GREB1: variants seen among roughly 807,000 people sequenced by gnomAD.
GREB1 encodes growth regulating estrogen receptor binding 1.
In GREB1, 106 loss-of-function variants were observed where a neutral mutation model predicts 200.7. The observed-to-expected ratio is 0.53, with a 90% CI of 0.45 to 0.62. The LOEUF (loss-of-function observed/expected upper bound fraction) is 0.62, where lower values mean the gene tolerates loss of function less well. Ranked by LOEUF, GREB1 falls within the 20% of genes least tolerant of loss-of-function variation. The pLI, the probability that GREB1 is intolerant of heterozygous loss-of-function variation, is 0.00. For missense variants in GREB1, 2,243 were observed against 2,556.8 expected (o/e 0.88, Z 2.65); for synonymous variants, 1,132 against 1,092.4 (o/e 1.04, Z -0.72).
At position 11,519,449 on chromosome 2, in the gene GREB1, G is replaced by GTTTTTTTTT. The variant is rs70955804; in HGVS notation, c.-158-36993_-158-36985dup. Among the ~76,000 whole-genome samples, 20 of 76,974 alleles carry GTTTTTTTTT rather than the reference G, an allele frequency of 2.6e-4. 1 individual carries two copies. Among genetic ancestry groups the GTTTTTTTTT allele is most frequent in the South Asian group, 5.5e-4 (1 of 1,804 alleles). The allele number at this position is 76,974 out of a possible 152,430, so 50.5% of individuals were successfully genotyped here. On this transcript the variant is annotated intron_variant, in intron 1 of 2. Transcript: ENST00000628795. ...TCACATCTTATGATTACTTGTTTTG[G>GTTTTTTTTT]TTTTTTTTTTTTTTTTTTTTTTTGA... is the stretch of plus-strand genomic sequence containing the variant.
chr2:11,637,952 TC>T, intron 31 of GREB1, 36 bp downstream of exon 31: 4 of 1,538,280 alleles, frequency 2.6e-6, no homozygotes, highest in Non-Finnish European at 3.6e-6. Context: ...AATCCCTAAT[TC>T]AGAGAAATCT....
At chr2:11,639,385 G>C (rs542062899) in intron 32 of GREB1, among the ~76,000 whole-genome samples, 4 of 152,350 alleles carry the variant, frequency 2.6e-5, no homozygotes, top group African/African-American at 7.2e-5. Flanking sequence ...CACCGCACCA[G>C]CCATGTGTGT....
chr2:11,602,701 A>G (rs956999429), intron 17 of GREB1, among the ~76,000 whole-genome samples, 159 bp downstream of exon 17: 2 of 151,988 alleles, frequency 1.3e-5, no homozygotes, highest in African/African-American at 4.8e-5. Flanking sequence ...CTTCTCCTCT[A>G]TTTGAATCCC....
chr2:11,557,347 C>T (rs1676525092), intron 2 of GREB1, among the ~76,000 whole-genome samples: 1 of 152,132 alleles, frequency 6.6e-6, no homozygotes, highest in Non-Finnish European at 1.5e-5. Flanking sequence ...AGAAGTAACC[C>T]CTCAGTGATC....
intron 2 of GREB1, among the ~76,000 whole-genome samples, chr2:11,557,425 C>T (rs1453381367): frequency 2.0e-5 from 3 of 152,104 alleles, no homozygotes; most frequent in Admixed American, 1.3e-4. Flanking sequence ...TGAAGTTACC[C>T]GCAGACTTCT....
At chr2:11,609,048 C>T (rs1381396470) in intron 17 of GREB1, among the ~76,000 whole-genome samples, 1 of 152,126 alleles carries the variant, frequency 6.6e-6, no homozygotes, top group African/African-American at 2.4e-5. Context: ...GTTAGGATCA[C>T]TGTCTTTCAC....
At chr2:11,516,044 A>C (rs1673486675) in intron 1 of GREB1, among the ~76,000 whole-genome samples, 1 of 152,198 alleles carries the variant, frequency 6.6e-6, no homozygotes, top group Non-Finnish European at 1.5e-5. Flanking sequence ...ATTGAAAGTG[A>C]AAATGTGTAG....
At chr2:11,559,804 G>A (rs947181256) in intron 2 of GREB1, among the ~76,000 whole-genome samples, 10 of 152,314 alleles carry the variant, frequency 6.6e-5, no homozygotes, top group African/African-American at 2.2e-4. Context: ...AGCATCTGAA[G>A]CAGGCTCAAG....
chr2:11,613,109 A>T (rs1357394585), intron 19 of GREB1, among the ~76,000 whole-genome samples: 1 of 152,216 alleles, frequency 6.6e-6, no homozygotes, highest in Non-Finnish European at 1.5e-5. Flanking sequence ...CTTCCAGCAC[A>T]GAGTGGACTG....
In GREB1 at chr2:11,520,971, G is replaced by A. The variant is rs573235065; in HGVS notation, c.-158-35486G>A. Among the ~76,000 whole-genome samples, 3 of 152,306 alleles carry A rather than the reference G, an allele frequency of 2.0e-5. No individual in the cohort carries two copies. In the South Asian group the frequency reaches 6.2e-4, roughly 32 times the overall value. On this transcript the variant is annotated intron_variant, in intron 1 of 2. Coordinates refer to the GREB1 transcript ENST00000628795. ...CACACAGTTAGCAGGGGGCGTCTGGGATCCCACTGCGGGCAGTGCTAGAAT... is the reference window on the plus strand; with the variant it reads ...CACACAGTTAGCAGGGGGCGTCTGGAATCCCACTGCGGGCAGTGCTAGAAT...
intron 29 of GREB1, among the ~76,000 whole-genome samples, chr2:11,634,961 G>A (rs529140482): frequency 3.9e-5 from 6 of 152,234 alleles, no homozygotes; most frequent in African/African-American, 9.6e-5. Flanking sequence ...GCGTGAGGTC[G>A]TGTTGGTAAC....
intron 23 of GREB1, among the ~76,000 whole-genome samples, chr2:11,621,337 G>A (rs1683999379): frequency 6.6e-6 from 1 of 152,180 alleles, no homozygotes; most frequent in Admixed American, 6.5e-5. Context: ...TAAATCACAT[G>A]CTTGGGAGCC....
At chr2:11,514,763 A>G (rs16857561) in intron 1 of GREB1, among the ~76,000 whole-genome samples, 2,894 of 152,238 alleles carry the variant, frequency 0.019, 36 homozygotes, top group Non-Finnish European at 0.028. Flanking sequence ...TTGTTATAGC[A>G]TTTATCATGT....
At chr2:11,521,210 G>T (rs1260679702) in intron 1 of GREB1, among the ~76,000 whole-genome samples, 2 of 152,070 alleles carry the variant, frequency 1.3e-5, no homozygotes, top group African/African-American at 4.8e-5. Flanking sequence ...CTGGGCTCAG[G>T]TGATGCCTCC....
chr2:11,553,352 A>G (rs1466994759), intron 1 of GREB1, among the ~76,000 whole-genome samples: 1 of 152,052 alleles, frequency 6.6e-6, no homozygotes, highest in Non-Finnish European at 1.5e-5. Context: ...TGTGAAAATT[A>G]GCTTGGCATG....
intron 1 of GREB1, among the ~76,000 whole-genome samples, chr2:11,541,678 G>A (rs556775838): frequency 4.6e-5 from 7 of 152,254 alleles, no homozygotes; most frequent in Non-Finnish European, 7.4e-5. Context: ...TTAGGAAGCC[G>A]CAGGAATCTC....
chr2:11,625,419 C>A, intron 24 of GREB1, 107 bp downstream of exon 24: 1 of 1,054,994 alleles, frequency 9.5e-7, no homozygotes. Flanking sequence ...GATGAATTAA[C>A]CTGCCATACC....
intron 18 of GREB1, among the ~76,000 whole-genome samples, chr2:11,611,770 G>A (rs865834187): frequency 3.9e-5 from 6 of 152,188 alleles, no homozygotes; most frequent in South Asian, 2.1e-4. Flanking sequence ...CTAGCACAGC[G>A]CCTGGCCCAT....
Position 11,489,453 on chromosome 2 carries a change from C to T in GREB1, c.-159+7072C>T, listed in dbSNP as rs548392366. ...TGACCTGGGCGAGAGAGCCAGACTCCGTCTTGGGGGAAAAAAAAATAAATA... is the reference window on the plus strand; with the variant it reads ...TGACCTGGGCGAGAGAGCCAGACTCTGTCTTGGGGGAAAAAAAAATAAATA... On this transcript the variant is annotated intron_variant, in intron 1 of 2. Coordinates refer to the GREB1 transcript ENST00000628795. Among the ~76,000 whole-genome samples the T allele has an allele frequency of 2.6e-5, 4 of 151,002 alleles. No homozygotes were observed. In the South Asian group the frequency reaches 8.4e-4, roughly 32 times the overall value.
Sources: gnomAD v4.1 joint callset for allele counts (sites outside exome capture counted in the v4.1 genomes callset) on GRCh38, gnomAD v4.1.1 for gene constraint, MANE v1.5 for transcripts, NCBI Gene and HGNC (gene_info 2026-07-23, HGNC 2026-07-21) for gene names.